Variants in SULT6B1 observed in about 807,000 individuals in gnomAD.
SULT6B1 encodes sulfotransferase family 6B member 1.
A neutral mutation model predicts 37.2 loss-of-function variants in SULT6B1; 44 were observed. That is an observed-to-expected ratio of 1.18 (90% CI 0.93 to 1.52). The LOEUF (loss-of-function observed/expected upper bound fraction) is 1.52. SULT6B1 is among the 40% of genes most tolerant of loss of function. The probability of loss-of-function intolerance (pLI) is 0.00; values close to 1 mark genes in which losing one functional copy is unlikely to be tolerated. For synonymous variants in SULT6B1, 140 were observed against 126.0 expected (o/e 1.11, Z -0.74); for missense variants, 450 against 361.0 (o/e 1.25, Z -2.00).
At chr2:37,192,180 T>C (rs903385167), upstream of SULT6B1, among the ~76,000 whole-genome samples, 3 of 152,218 alleles carry the variant, frequency 2.0e-5, no homozygotes, top group Admixed American at 6.5e-5. Flanking sequence ...TTGGGACAAA[T>C]ACTATATTCA....
chr2:37,193,966 A>C (rs900991267), intron 1 of SULT6B1, among the ~76,000 whole-genome samples: 1 of 152,188 alleles, frequency 6.6e-6, no homozygotes, highest in African/African-American at 2.4e-5. Flanking sequence ...CTTCTGGCCA[A>C]AATGTGTCTT....
chr2:37,194,775 CT>C (rs1350389689), intron 1 of SULT6B1: 4 of 157,292 alleles, frequency 2.5e-5, no homozygotes, highest in African/African-American at 4.8e-5. Flanking sequence ...GTTATCATTT[CT>C]TTAAGCTTTT....
At chr2:37,184,717 AG>A (rs1479909632) in intron 2 of SULT6B1, among the ~76,000 whole-genome samples, 3 of 152,196 alleles carry the variant, frequency 2.0e-5, no homozygotes, top group African/African-American at 7.2e-5. Context: ...CTGTAGTCCC[AG>A]CTACTCAGGA....
In SULT6B1 at chr2:37,194,287, C is replaced by A. The variant is rs539109632; in HGVS notation, c.-22+2229G>T. The A allele has an allele frequency of 2.6e-5, 5 of 191,524 alleles. No homozygotes were observed. In the South Asian group the frequency reaches 3.5e-4, roughly 13 times the overall value. The allele number at this position is 191,524 out of a possible 1,614,324, so 11.9% of individuals were successfully genotyped here. ...TAGAGACAGGGTTTCACCATATTGG[C>A]CAAGCTGGTCTTGAACTCCTGACCT... On this transcript the variant is annotated intron_variant, in intron 1 of 7. Coordinates refer to the SULT6B1 transcript ENST00000407963.
chr2:37,181,485 A>G (rs1253013748), intron 3 of SULT6B1, among the ~76,000 whole-genome samples: 7 of 152,020 alleles, frequency 4.6e-5, no homozygotes, highest in Non-Finnish European at 8.8e-5. Context: ...GGCTCAAGCA[A>G]TCCTCCATCT....
At chr2:37,193,599 A>AGAAGAG (rs1267861770), upstream of SULT6B1, among the ~76,000 whole-genome samples, 12 of 100,164 alleles carry the variant, frequency 1.2e-4, no homozygotes, top group African/African-American at 4.3e-4. Flanking sequence ...AAGAAGAAAA[A>AGAAGAG]GAAGAAGAAG....
intron 2 of SULT6B1, among the ~76,000 whole-genome samples, chr2:37,184,208 C>A (rs770019118): frequency 6.6e-6 from 1 of 152,210 alleles, no homozygotes; most frequent in Admixed American, 6.5e-5. Flanking sequence ...ATAGTCAAGT[C>A]TTTCCACAGT....
intron 3 of SULT6B1, among the ~76,000 whole-genome samples, chr2:37,183,088 A>T (rs11897442): frequency 1.1e-3 from 174 of 152,228 alleles, no homozygotes; most frequent in Non-Finnish European, 2.0e-3. Flanking sequence ...CCAGAAAGAA[A>T]GGAACAATTT....
At chr2:37,184,506 C>T (rs1257575730) in intron 2 of SULT6B1, among the ~76,000 whole-genome samples, 2 of 152,206 alleles carry the variant, frequency 1.3e-5, no homozygotes, top group African/African-American at 4.8e-5. Context: ...AGTAAGGCTT[C>T]AAGTTTTTAG....
chr2:37,184,465 A>C (rs915398429), intron 2 of SULT6B1, among the ~76,000 whole-genome samples: 4 of 152,228 alleles, frequency 2.6e-5, no homozygotes, highest in African/African-American at 9.6e-5. Flanking sequence ...TTTCACTTAC[A>C]ATCAGACCAT....
In SULT6B1 at chr2:37,168,049, C is replaced by G; in HGVS notation, c.798G>C (p.Trp266Cys). Residue 266 changes from tryptophan (W) to cysteine (C), a missense_variant, in exon 7 of 7, where the codon TGG becomes TGC. Trp to Cys is a radical substitution (Grantham distance 215). Transcript: ENST00000535679. ...TCTGAATTTCACTGAACAAATTTTT[C>G]CAATCACCAACTTCACCTACAACAC... The part of the protein sequence containing the change: ...FLFRKGEVGD[W>C]KNLFSEIQNQ... The G allele has an allele frequency of 1.9e-6, 3 of 1,594,062 alleles. No homozygotes were observed. Among genetic ancestry groups the G allele is most frequent in the Non-Finnish European group, 2.6e-6 (3 of 1,175,036 alleles).
intron 3 of SULT6B1, among the ~76,000 whole-genome samples, chr2:37,182,724 G>T (rs1166683911): frequency 6.6e-6 from 1 of 152,100 alleles, no homozygotes; most frequent in Non-Finnish European, 1.5e-5. Flanking sequence ...GGGGAGACCA[G>T]GAGAGAGGAA....
At chr2:37,182,492 A>T (rs1389404668) in intron 3 of SULT6B1, among the ~76,000 whole-genome samples, 1 of 151,956 alleles carries the variant, frequency 6.6e-6, no homozygotes, top group Non-Finnish European at 1.5e-5. Flanking sequence ...TTACTTTTGC[A>T]CCAACCTAAT....
intron 3 of SULT6B1, among the ~76,000 whole-genome samples, chr2:37,179,791 T>C (rs764429139): frequency 2.6e-5 from 4 of 152,120 alleles, no homozygotes; most frequent in Non-Finnish European, 5.9e-5. Context: ...AAAAGATTGA[T>C]ATTGTTGCAA....
At chr2:37,193,558 CA>C (rs1438824913), upstream of SULT6B1, among the ~76,000 whole-genome samples, 1 of 103,658 alleles carries the variant, frequency 9.6e-6, no homozygotes, top group Non-Finnish European at 2.0e-5. Context: ...AGTCTATAGA[CA>C]TTTACCAAAA....
rs981551778 is a variant in SULT6B1, at chr2:37,183,568, G to T, written c.313-54C>A. The T allele has an allele frequency of 3.7e-6, 5 of 1,365,436 alleles. No homozygotes were observed. In the African/African-American group the frequency reaches 5.7e-5, roughly 16 times the overall value. The allele number at this position is 1,365,436 out of a possible 1,614,324, so 84.6% of individuals were successfully genotyped here. A position where few individuals can be genotyped will look rare whatever the true frequency, so the allele number is the denominator to read the frequency against. The stretch of plus-strand genomic sequence containing the variant: ...TGTGCACGTGTGTGCATGTGTGTGT[G>T]TGTGTTGAATCACTCCTAGGTTTGG... On this transcript the variant is annotated intron_variant, in intron 2 of 6. Coordinates refer to ENST00000535679, the MANE Select transcript of SULT6B1 (RefSeq NM_001367551.1).
intron 4 of SULT6B1, among the ~76,000 whole-genome samples, chr2:37,178,349 C>A (rs1349521693): frequency 6.6e-6 from 1 of 152,120 alleles, no homozygotes; most frequent in Non-Finnish European, 1.5e-5. Flanking sequence ...AAGTCTTCTG[C>A]CTCAGCCTAC....
chr2:37,167,981 G>T lies in SULT6B1; in HGVS notation c.866C>A (p.Thr289Asn). ...DEKFKECLAG[T>N]SLGAKLKYES... Reference sequence around the variant, plus strand: ...ATACTTCAACTTTGCTCCGAGGGAGGTGCCTGCTAAGCACTCTTTGAATTT... The same window carrying T: ...ATACTTCAACTTTGCTCCGAGGGAGTTGCCTGCTAAGCACTCTTTGAATTT... The change falls in exon 7 of 7, where the codon ACC becomes AAC. Residue 289 changes from threonine to asparagine, a missense_variant. Physicochemically the swap from Thr to Asn is moderately conservative, Grantham distance 65. Transcript: ENST00000535679. 6.2e-7 allele frequency: 1 copy of T among 1,600,008 alleles called. No individual in the cohort carries two copies. Among genetic ancestry groups the T allele is most frequent in the Non-Finnish European group, 8.5e-7 (1 of 1,176,672 alleles).
At chr2:37,177,411 CAAAAAAAAAAA>C (rs57205863) in intron 4 of SULT6B1, among the ~76,000 whole-genome samples, 5 of 76,294 alleles carry the variant, frequency 6.6e-5, no homozygotes, top group Non-Finnish European at 9.7e-5. Flanking sequence ...AATCTTGTCT[CAAAAAAAAAAA>C]AAAAAAAAAA....
Sources: allele counts gnomAD v4.1 joint callset (sites outside exome capture counted in the v4.1 genomes callset), GRCh38; gene constraint gnomAD v4.1.1; transcripts MANE v1.5; gene names NCBI Gene and HGNC (gene_info 2026-07-23, HGNC 2026-07-21).